Variants in EIF5B observed in about 807,000 individuals in gnomAD.
EIF5B encodes the protein eIF-5B.
EIF5B carries 47 observed loss-of-function variants against 147.5 expected under a neutral mutation model. That is an observed-to-expected ratio of 0.32 (90% CI 0.25 to 0.41). EIF5B has a LOEUF of 0.41. Ranked by LOEUF, EIF5B falls within the 10% of genes least tolerant of loss-of-function variation. The pLI is 1.00. For missense variants in EIF5B, 1,064 were observed against 1,413.2 expected, an observed-to-expected ratio of 0.75 and a Z score of 3.96; for synonymous variants, 455 against 456.2, an observed-to-expected ratio of 1.00 and a Z score of 0.03.
In EIF5B at chr2:99,399,580, T is replaced by G. The variant is rs546239274; in HGVS notation, c.*166T>G. 3 of 603,836 alleles carry G rather than the reference T, an allele frequency of 5.0e-6. No homozygotes were observed. In the South Asian group the frequency reaches 5.8e-5, roughly 12 times the overall value. 37.4% of individuals were successfully genotyped at this position (603,836 alleles called of 1,614,324 possible). ...TGTTTTCCATGAGAAACCAAGAAAC[T>G]TACACTGGTTTGACAGTGGTCAGTT... On this transcript the variant is annotated 3_prime_UTR_variant, in exon 24 of 24. Transcript: ENST00000289371.
chr2:99,397,702 G>A (rs2104261740), intron 22 of EIF5B: 1 of 152,292 alleles, frequency 6.6e-6, no homozygotes, highest in South Asian at 2.1e-4. Flanking sequence ...ATCTCCATTA[G>A]AAACTTGCCC....
At chr2:99,392,310 G>A (rs1344965495) in intron 17 of EIF5B, among the ~76,000 whole-genome samples, 2 of 151,984 alleles carry the variant, frequency 1.3e-5, no homozygotes. Flanking sequence ...CCTGACCTCA[G>A]CCTCCCTAAG....
At chr2:99,370,148 ATT>A (rs1289905167) in intron 8 of EIF5B, among the ~76,000 whole-genome samples, 1 of 152,162 alleles carries the variant, frequency 6.6e-6, no homozygotes, top group Non-Finnish European at 1.5e-5. Context: ...AAAAATTGGC[ATT>A]TTTAGACCTT....
chr2:99,396,233 T>A (rs182609723), intron 21 of EIF5B, among the ~76,000 whole-genome samples: 2 of 152,224 alleles, frequency 1.3e-5, no homozygotes, highest in African/African-American at 2.4e-5. Flanking sequence ...CTGGAAACTT[T>A]TAAAGCATTT....
At position 99,361,546 on chromosome 2, in the gene EIF5B, G is replaced by T. The variant is rs1674214802; in HGVS notation, c.645G>T (p.Gly215=). 6.2e-7 allele frequency: 1 copy of T among 1,613,282 alleles called. No homozygotes were observed. The highest frequency in any genetic ancestry group is 1.1e-5 in the South Asian group (1 of 90,882). Reference sequence around the variant, plus strand: ...AGCCAGGTCCTAACATAGAAAGTGGGAATGAAGATGATGACGCCTCCTTCA... The same window carrying T: ...AGCCAGGTCCTAACATAGAAAGTGGTAATGAAGATGATGACGCCTCCTTCA... The part of the protein sequence containing the change: ...KNKPGPNIES[G]NEDDDASFKI... The change falls in exon 4 of 24, where the codon GGG becomes GGT. Residue 215 remains glycine (G), a synonymous_variant. Transcript: ENST00000289371.
At chr2:99,387,117 A>G (rs1453265898) in intron 14 of EIF5B, among the ~76,000 whole-genome samples, 1 of 152,122 alleles carries the variant, frequency 6.6e-6, no homozygotes, top group Non-Finnish European at 1.5e-5. Flanking sequence ...CATGTTGGTC[A>G]GGCTGGTCTT....
rs748225172 is a variant in EIF5B, at chr2:99,376,463, A to G, written c.1669A>G (p.Ser557Gly). The change falls in exon 10 of 24, where the codon AGT becomes GGT. Residue 557 changes from serine (S) to glycine (G), a missense_variant. By Grantham distance (56) the Ser-to-Gly change is moderately conservative. This residue lies in a region of EIF5B where 195 missense variants were observed against 186.3 expected (regional missense o/e 1.05). Transcript: ENST00000289371. The stretch of plus-strand genomic sequence containing the variant: ...AGAAGAGGAGGAAGAGGAGGGAGAA[A>G]GTGAAGGCAGTGAAGGTGATGAGGA... ...SEEEEEEEGESEGSEGDEEDE... is the reference protein window; with the variant it reads ...SEEEEEEEGEGEGSEGDEEDE... 3 of 1,604,784 alleles carry G rather than the reference A, an allele frequency of 1.9e-6. No homozygotes were observed. Among genetic ancestry groups the G allele is most frequent in the African/African-American group, 2.7e-5 (2 of 74,642 alleles).
chr2:99,401,190 A>T lies in EIF5B; in HGVS notation c.*1776A>T. ...CTATCATGCACTTTGCAAATACCTC[A>T]CAAGCACTTATGGCACAGCTATCAG... On this transcript the variant is annotated 3_prime_UTR_variant, in exon 24 of 24. Transcript: ENST00000289371. 1 of 1,145,730 alleles carries T rather than the reference A, an allele frequency of 8.7e-7. No individual in the cohort carries two copies. Among genetic ancestry groups the T allele is most frequent in the Non-Finnish European group, 1.3e-6 (1 of 757,554 alleles). The allele number at this position is 1,145,730 out of a possible 1,614,324, so 71.0% of individuals were successfully genotyped here.
At chr2:99,371,519 A>T in intron 8 of EIF5B, 137 bp from the exon 9 acceptor site, 1 of 602,656 alleles carries the variant, frequency 1.7e-6, no homozygotes, top group Non-Finnish European at 2.8e-6. Flanking sequence ...AGTTCTAAAG[A>T]TAATAGCTGC....
chr2:99,375,891 G>T (rs1246975296), intron 9 of EIF5B, among the ~76,000 whole-genome samples: 1 of 152,154 alleles, frequency 6.6e-6, no homozygotes, highest in African/African-American at 2.4e-5. Flanking sequence ...ATGCTCATTG[G>T]AGCATTTCGT....
At chr2:99,358,009 T>G (rs1440279286) in intron 1 of EIF5B, among the ~76,000 whole-genome samples, 1 of 152,168 alleles carries the variant, frequency 6.6e-6, no homozygotes, top group Non-Finnish European at 1.5e-5. Context: ...GCTTCCTAAC[T>G]GGTCTCCTTG....
intron 1 of EIF5B, among the ~76,000 whole-genome samples, chr2:99,355,652 G>C (rs868195038): frequency 8.3e-6 from 1 of 120,984 alleles, no homozygotes; most frequent in South Asian, 2.6e-4. Flanking sequence ...TCATTCTGTC[G>C]CCCAGGCTGG....
intron 1 of EIF5B, among the ~76,000 whole-genome samples, chr2:99,339,010 T>TATATATATATACA (rs2105331830): frequency 3.3e-5 from 2 of 60,406 alleles, no homozygotes; most frequent in East Asian, 1.2e-3. Context: ...ATATACATTT[T>TATATATATATACA]TTTTTTTTTT....
At chr2:99,375,942 TAAAA>T (rs1028553958) in intron 9 of EIF5B, among the ~76,000 whole-genome samples, 2 of 151,872 alleles carry the variant, frequency 1.3e-5, no homozygotes, top group Non-Finnish European at 2.9e-5. Flanking sequence ...TATTCCAAAT[TAAAA>T]AAAATATGAA....
At position 99,396,906 on chromosome 2, in the gene EIF5B, C is replaced by A. The variant is rs935882779; in HGVS notation, c.3393+8C>A. The A allele has an allele frequency of 6.3e-7, 1 of 1,592,536 alleles. No homozygotes were observed. Among genetic ancestry groups the A allele is most frequent in the Non-Finnish European group, 8.5e-7 (1 of 1,173,794 alleles). Reference sequence around the variant, plus strand: ...TGTGTCCCAAGCAAAAATGTAAGTTCTAGTTGTACATTCTGTGGGTCATTT... The same window carrying A: ...TGTGTCCCAAGCAAAAATGTAAGTTATAGTTGTACATTCTGTGGGTCATTT... On this transcript the variant is annotated splice_region_variant and intron_variant, in intron 22 of 23. Transcript: ENST00000289371.
intron 4 of EIF5B, among the ~76,000 whole-genome samples, chr2:99,362,043 G>C (rs1300317441): frequency 1.3e-5 from 2 of 152,084 alleles, no homozygotes; most frequent in African/African-American, 4.8e-5. Flanking sequence ...GTACAGACTG[G>C]AATTTTTATA....
chr2:99,372,976 T>A (rs1182752846), intron 9 of EIF5B, among the ~76,000 whole-genome samples: 2 of 152,190 alleles, frequency 1.3e-5, no homozygotes, highest in African/African-American at 4.8e-5. Context: ...CCCATCATGA[T>A]TGTAGATTGT....
rs1674886693 is a variant in EIF5B at position 99,389,843 on chromosome 2, A to C, written c.2397A>C (p.Ala799=). The change falls in exon 15 of 24, where the codon GCA becomes GCC. Residue 799 remains alanine (A), a synonymous_variant. Coordinates refer to ENST00000289371, the MANE Select transcript of EIF5B (RefSeq NM_015904.4). ...CAAAGGCTATTATTGTAGAATTTGC[A>C]CAGCAGGTAAGAAGGCCTTCCTTCT... The part of the protein sequence containing the change: ...ERAKAIIVEF[A]QQGLNAALFY... 6.2e-7 allele frequency: 1 copy of C among 1,608,828 alleles called. No homozygotes were observed. The highest frequency in any genetic ancestry group is 2.2e-5 in the East Asian group (1 of 44,818).
chr2:99,376,753 C>T (rs374799409), intron 10 of EIF5B, 117 bp downstream of exon 10: 24 of 1,394,948 alleles, frequency 1.7e-5, no homozygotes, highest in South Asian at 1.0e-4. Context: ...AATAGAACAC[C>T]GTTCAGTTTT....
Sources: allele counts gnomAD v4.1 joint callset (sites outside exome capture counted in the v4.1 genomes callset), GRCh38; gene constraint gnomAD v4.1.1; regional missense constraint gnomAD v4.1.1; transcripts MANE v1.5; gene names NCBI Gene and HGNC (gene_info 2026-07-23, HGNC 2026-07-21).